Variants in PTPRN2 observed in about 807,000 individuals in gnomAD.
PTPRN2 encodes the protein receptor-type tyrosine-protein phosphatase N2.
In PTPRN2, 74 loss-of-function variants were observed where a neutral mutation model predicts 118.8. That is an observed-to-expected ratio of 0.62 (90% confidence interval 0.52 to 0.76). PTPRN2 has a LOEUF of 0.76. PTPRN2 is among the 30% of genes least tolerant of loss of function. The pLI is 0.00. For missense variants in PTPRN2, 1,481 were observed against 1,394.4 expected (o/e 1.06, Z -0.99); for synonymous variants, 641 against 608.0 (o/e 1.05, Z -0.80).
At chr7:158,062,986 G>A (rs967999236) in intron 11 of PTPRN2, among the ~76,000 whole-genome samples, 9 of 152,234 alleles carry the variant, frequency 5.9e-5, no homozygotes, top group African/African-American at 1.2e-4. Flanking sequence ...AGGCAGCTCC[G>A]CCTGCGGCCC....
intron 11 of PTPRN2, among the ~76,000 whole-genome samples, chr7:158,056,550 G>A (rs867612146): frequency 5.9e-5 from 9 of 152,338 alleles, no homozygotes; most frequent in African/African-American, 1.4e-4. Context: ...AAGGGTGCTC[G>A]GTTTGACGAT....
chr7:157,988,635 G>A (rs531825366), intron 11 of PTPRN2, among the ~76,000 whole-genome samples: 1 of 152,338 alleles, frequency 6.6e-6, no homozygotes, highest in Non-Finnish European at 1.5e-5. Context: ...GCAAGCCCCA[G>A]GGAGCACAGG....
intron 3 of PTPRN2, among the ~76,000 whole-genome samples, chr7:158,296,420 C>A (rs775427846): frequency 6.6e-6 from 1 of 152,180 alleles, no homozygotes; most frequent in Non-Finnish European, 1.5e-5. Context: ...TAAAACCTTG[C>A]GCTCATTCTC....
chr7:158,253,767 C>A (rs986972290), intron 3 of PTPRN2, among the ~76,000 whole-genome samples: 1 of 152,188 alleles, frequency 6.6e-6, no homozygotes, highest in Admixed American at 6.5e-5. Context: ...ATTAGAAGAG[C>A]GGAATAACTC....
At chr7:158,007,992 G>T (rs560713992) in intron 11 of PTPRN2, among the ~76,000 whole-genome samples, 286 of 147,962 alleles carry the variant, frequency 1.9e-3, no homozygotes, top group African/African-American at 6.7e-3. Context: ...TATATGTGGG[G>T]TATGTACTTG....
chr7:158,504,842 G>A (rs4909235), intron 1 of PTPRN2, among the ~76,000 whole-genome samples: 34,122 of 152,020 alleles, frequency 0.22, 4,113 homozygotes, highest in South Asian at 0.38. Flanking sequence ...ACTGCAATAC[G>A]CAATCTTGAT....
In PTPRN2 at chr7:157,725,377, G is replaced by A. The variant is rs1314803520; in HGVS notation, c.1789-42440C>T. Among the ~76,000 whole-genome samples the A allele has an allele frequency of 2.6e-4, 16 of 62,702 alleles. 3 individuals carry two copies. Among genetic ancestry groups the A allele is most frequent in the African/African-American group, 9.0e-4 (13 of 14,468 alleles). 41.1% of individuals were successfully genotyped at this position (62,702 alleles called of 152,430 possible). On this transcript the variant is annotated intron_variant, in intron 12 of 22. Transcript: ENST00000389418. Reference sequence around the variant, plus strand: ...CACAGAGGAGTGTGGCCAGACCCTCGCCTCCCAGGAGAACTGGATATCTAC... The same window carrying A: ...CACAGAGGAGTGTGGCCAGACCCTCACCTCCCAGGAGAACTGGATATCTAC...
At position 158,526,516 on chromosome 7, in the gene PTPRN2, T is replaced by A. The variant is rs1824793829; in HGVS notation, c.113-36731A>T. On this transcript the variant is annotated intron_variant, in intron 1 of 22. Coordinates refer to ENST00000389418, the MANE Select transcript of PTPRN2 (RefSeq NM_002847.5). This position sits in a 1 kb window ranked among gnomAD's most constrained non-coding sequence, Gnocchi z 5.2. ...CTGTGGCTTGGGAAACTGACTCGGT[T>A]GTTCTCCATTCCTGATCCCATTTCC... 6.6e-6 allele frequency among the ~76,000 whole-genome samples: 1 copy of A among 152,166 alleles called. No homozygotes were observed. The highest frequency in any genetic ancestry group is 1.5e-5 in the Non-Finnish European group (1 of 68,032).
At chr7:157,982,603 G>A (rs112127129) in intron 11 of PTPRN2, among the ~76,000 whole-genome samples, 2 of 134,452 alleles carry the variant, frequency 1.5e-5, no homozygotes, top group South Asian at 2.6e-4. Context: ...AATGCAGAGT[G>A]CAGGGTCCCC....
At chr7:158,430,858 C>G (rs977404084) in intron 2 of PTPRN2, among the ~76,000 whole-genome samples, 1 of 152,224 alleles carries the variant, frequency 6.6e-6, no homozygotes, top group Non-Finnish European at 1.5e-5. Flanking sequence ...AAGAGCCCCC[C>G]ACACTCTCAG....
chr7:158,485,427 C>CCT (rs772086075), intron 2 of PTPRN2, among the ~76,000 whole-genome samples: 23 of 93,734 alleles, frequency 2.5e-4, no homozygotes, highest in South Asian at 1.0e-3. Flanking sequence ...CTCGGCCACC[C>CCT]CTCTGCGCCT....
intron 3 of PTPRN2, among the ~76,000 whole-genome samples, chr7:158,234,436 T>C (rs1032772477): frequency 6.6e-6 from 1 of 150,930 alleles, no homozygotes. Context: ...CCAACAGATA[T>C]AGTCATCAAA....
chr7:158,318,428 C>CA (rs1802528594), intron 2 of PTPRN2, among the ~76,000 whole-genome samples: 1 of 152,182 alleles, frequency 6.6e-6, no homozygotes, highest in Admixed American at 6.5e-5. Flanking sequence ...GCTCACAATG[C>CA]AGAACAATCC....
chr7:157,819,085 A>G (rs917903454), intron 12 of PTPRN2, among the ~76,000 whole-genome samples: 19 of 152,092 alleles, frequency 1.2e-4, no homozygotes, highest in Non-Finnish European at 2.5e-4. Context: ...CCCTGTGGAC[A>G]CCACTGGCCC....
chr7:158,522,373 G>C lies in PTPRN2; in HGVS notation c.113-32588C>G, dbSNP rs74892747. Among the ~76,000 whole-genome samples the C allele has an allele frequency of 1.2e-4, 6 of 51,552 alleles. 2 individuals carry two copies. The highest frequency in any genetic ancestry group is 0.015 in the Middle Eastern group (1 of 68). The allele number at this position is 51,552 out of a possible 152,430, so 33.8% of individuals were successfully genotyped here. On this transcript the variant is annotated intron_variant, in intron 1 of 22. Transcript: ENST00000389418. Reference sequence around the variant, plus strand: ...TGGTGGACTGTCCAGGTGCTGGCTCGGGAGGGAGGTCCACGTCACAATGGT... The same window carrying C: ...TGGTGGACTGTCCAGGTGCTGGCTCCGGAGGGAGGTCCACGTCACAATGGT...
chr7:158,220,552 C>A (rs1334004407), intron 3 of PTPRN2, among the ~76,000 whole-genome samples: 4 of 151,978 alleles, frequency 2.6e-5, no homozygotes, highest in African/African-American at 7.2e-5. Flanking sequence ...AACTAAAAAA[C>A]TAATATCATT....
At chr7:158,071,798 CCTGGTGG>C (rs1563393576) in intron 11 of PTPRN2, among the ~76,000 whole-genome samples, 6 of 95,846 alleles carry the variant, frequency 6.3e-5, no homozygotes, top group African/African-American at 2.9e-4. Flanking sequence ...TGGAGGTGCT[CCTGGTGG>C]AGGTGCTCGT....
rs1803553036 is a variant in PTPRN2 at position 157,779,612 on chromosome 7, T to G, written c.1789-96675A>C. ...CTTCTCTGTCTAAATAACTTGCTTCTCACCCTGCTGCAGGAGTCTCCGAAG... is the reference window on the plus strand; with the variant it reads ...CTTCTCTGTCTAAATAACTTGCTTCGCACCCTGCTGCAGGAGTCTCCGAAG... On this transcript the variant is annotated intron_variant, in intron 12 of 22. Coordinates refer to ENST00000389418, the MANE Select transcript of PTPRN2 (RefSeq NM_002847.5). The surrounding 1 kb of genome is among the most constrained non-coding windows in gnomAD (Gnocchi z 4.7). Among the ~76,000 whole-genome samples the G allele has an allele frequency of 6.6e-6, 1 of 152,136 alleles. No individual in the cohort carries two copies. The highest frequency in any genetic ancestry group is 6.5e-5 in the Admixed American group (1 of 15,280).
intron 13 of PTPRN2, among the ~76,000 whole-genome samples, chr7:157,679,648 A>T (rs1796824529): frequency 6.6e-6 from 1 of 152,172 alleles, no homozygotes; most frequent in South Asian, 2.1e-4. Context: ...CTTACTCCCC[A>T]GGAGCACAAC....
Sources: allele counts gnomAD v4.1 joint callset (sites outside exome capture counted in the v4.1 genomes callset), GRCh38; gene constraint gnomAD v4.1.1; non-coding constraint Gnocchi (gnomAD v3.1); transcripts MANE v1.5; gene names NCBI Gene and HGNC (gene_info 2026-07-23, HGNC 2026-07-21).